FHDC1: variants seen among roughly 807,000 people sequenced by gnomAD.
FHDC1 encodes FH2 domain containing 1.
A neutral mutation model predicts 52.6 loss-of-function variants in FHDC1; 25 were observed. The ratio of observed to expected loss-of-function variants is 0.48; its 90% CI spans 0.35 to 0.66. FHDC1 has a LOEUF of 0.66. FHDC1 is among the 30% of genes least tolerant of loss of function. The pLI, the probability that FHDC1 is intolerant of heterozygous loss-of-function variation, is 0.01. For missense variants in FHDC1, 1,459 were observed against 1,452.8 expected (o/e 1.00, Z -0.07); for synonymous variants, 616 against 581.5 (o/e 1.06, Z -0.85).
intron 1 of FHDC1, among the ~76,000 whole-genome samples, chr4:152,942,124 T>A (rs1739590684): frequency 6.6e-6 from 1 of 152,166 alleles, no homozygotes. Context: ...CTTGGGCGTA[T>A]CTCTTCTTTG....
At chr4:152,955,286 C>G (rs1205256933) in intron 4 of FHDC1, among the ~76,000 whole-genome samples, 1 of 151,848 alleles carries the variant, frequency 6.6e-6, no homozygotes, top group Non-Finnish European at 1.5e-5. Flanking sequence ...GAGTTAACTG[C>G]ATTGTTGAAT....
intron 1 of FHDC1, among the ~76,000 whole-genome samples, chr4:152,939,775 T>G (rs1456681138): frequency 6.6e-6 from 1 of 152,182 alleles, no homozygotes; most frequent in Non-Finnish European, 1.5e-5. Flanking sequence ...TACTCAGAGC[T>G]GGGCACTTGT....
At chr4:152,957,583 C>T (rs1163732003) in intron 4 of FHDC1, among the ~76,000 whole-genome samples, 9 of 152,330 alleles carry the variant, frequency 5.9e-5, no homozygotes, top group East Asian at 1.9e-4. Context: ...CCCCGCCTCG[C>T]GCTGCTGGCC....
At chr4:152,935,037 C>G (rs1188879992), upstream of FHDC1, among the ~76,000 whole-genome samples, 1 of 152,180 alleles carries the variant, frequency 6.6e-6, no homozygotes, top group Admixed American at 6.5e-5. Flanking sequence ...TTGTCTTTCT[C>G]TTTATTACAT....
intron 4 of FHDC1, among the ~76,000 whole-genome samples, chr4:152,959,943 G>A (rs78633760): frequency 2.4e-5 from 2 of 84,996 alleles, no homozygotes; most frequent in African/African-American, 5.2e-5. Context: ...CAATCTTAAC[G>A]TCCCGTTGTT....
Position 152,974,810 on chromosome 4 carries a change from C to A in FHDC1, c.1519C>A (p.Leu507Met). The A allele has an allele frequency of 6.4e-7, 1 of 1,573,274 alleles. No homozygotes were observed. ...CAGCAGTGAGAATGATGTGGAGCTG[C>A]TGACCAAGAAGGGTGCAGAGGGCCT... ...RSSSENDVEL[L>M]TKKGAEGLLP... Residue 507 changes from leucine (L) to methionine (M), a missense_variant, in exon 12 of 12, where the codon CTG (leucine) becomes ATG (methionine). Leu to Met is a conservative substitution (Grantham distance 15). Coordinates refer to ENST00000511601, the MANE Select transcript of FHDC1 (RefSeq NM_001371116.1).
intron 3 of FHDC1, 142 bp downstream of exon 3, chr4:152,953,702 C>G: frequency 1.4e-6 from 1 of 713,996 alleles, no homozygotes; most frequent in Non-Finnish European, 2.4e-6. Context: ...CTGCAAGTGA[C>G]TGTCACTTTC....
upstream of FHDC1, among the ~76,000 whole-genome samples, chr4:152,935,979 C>T (rs969581593): frequency 7.2e-4 from 109 of 152,224 alleles, no homozygotes; most frequent in African/African-American, 2.6e-3. Context: ...CTCGCCCGTT[C>T]CCCGAGGACA....
chr4:152,955,943 G>C (rs1489774868), intron 4 of FHDC1, among the ~76,000 whole-genome samples: 1 of 152,076 alleles, frequency 6.6e-6, no homozygotes, highest in Non-Finnish European at 1.5e-5. Context: ...TATCAACCTG[G>C]CCGCTCTCTC....
intron 1 of FHDC1, 129 bp from the exon 2 acceptor site, chr4:152,942,799 G>A: frequency 4.8e-6 from 2 of 419,964 alleles, no homozygotes; most frequent in Non-Finnish European, 8.4e-6. Flanking sequence ...AATGCAACTT[G>A]GGATGTGTTG....
intron 9 of FHDC1, among the ~76,000 whole-genome samples, chr4:152,966,334 A>G (rs753707632): frequency 6.6e-6 from 1 of 152,212 alleles, no homozygotes; most frequent in Non-Finnish European, 1.5e-5. Flanking sequence ...GGAAAACTTT[A>G]TTGCACAAAG....
chr4:152,943,305 C>T lies in FHDC1; in HGVS notation c.248C>T (p.Thr83Ile), dbSNP rs1739632830. The stretch of plus-strand genomic sequence containing the variant: ...CCCCCACCAGGCCTACCCCCAACTA[C>T]TCACATGAACGGCTACAGCCACCTT... ...PPPPPGLPPT[T>I]HMNGYSHLGK... Residue 83 changes from threonine to isoleucine, a missense_variant, in exon 2 of 12, where the codon ACT becomes ATT. Physicochemically the swap from Thr to Ile is moderately conservative, Grantham distance 89. Transcript: ENST00000511601. 1.3e-6 allele frequency: 2 copies of T among 1,511,164 alleles called. No homozygotes were observed. Among genetic ancestry groups the T allele is most frequent in the Admixed American group, 1.7e-5 (1 of 57,454 alleles). The allele number at this position is 1,511,164 out of a possible 1,614,324, so 93.6% of individuals were successfully genotyped here.
chr4:152,921,385 A>C, the FHDC1 span, among the ~76,000 whole-genome samples: 1 of 152,096 alleles, frequency 6.6e-6, no homozygotes, highest in East Asian at 1.9e-4. Context: ...ACAAGGATTT[A>C]TTCATCACAT....
chr4:152,912,928 A>G, the FHDC1 span, among the ~76,000 whole-genome samples: 1 of 152,214 alleles, frequency 6.6e-6, no homozygotes, highest in Non-Finnish European at 1.5e-5. Flanking sequence ...TTCAAAACAC[A>G]CTGATAATGT....
intron 2 of FHDC1, among the ~76,000 whole-genome samples, chr4:152,952,409 C>T (rs1739954349): frequency 6.6e-6 from 1 of 152,102 alleles, no homozygotes; most frequent in Admixed American, 6.6e-5. Flanking sequence ...GAGGAAATTG[C>T]TAAATTTAAA....
chr4:152,962,430 T>C (rs902255782), intron 6 of FHDC1, among the ~76,000 whole-genome samples: 2 of 152,218 alleles, frequency 1.3e-5, no homozygotes, highest in Non-Finnish European at 2.9e-5. Flanking sequence ...TCTTTGAGAC[T>C]GCATACTCAA....
chr4:152,954,558 G>A (rs934220821), intron 4 of FHDC1, among the ~76,000 whole-genome samples: 2 of 152,014 alleles, frequency 1.3e-5, no homozygotes, highest in African/African-American at 4.8e-5. Context: ...GTGGTGGCAG[G>A]CACCTGTAAT....
At chr4:152,912,077 ACATGTC>A in the FHDC1 span, 1 of 152,346 alleles carries the variant, frequency 6.6e-6, no homozygotes, top group Admixed American at 6.5e-5. Context: ...TGAGAGCTGA[ACATGTC>A]CATTCTTAAC....
chr4:152,926,478 C>A, the FHDC1 span, among the ~76,000 whole-genome samples: 1 of 146,262 alleles, frequency 6.8e-6, no homozygotes, highest in Admixed American at 7.0e-5. Context: ...GATTTAGGAA[C>A]AAAACCCAGG....
Sources: gnomAD v4.1 joint callset for allele counts (sites outside exome capture counted in the v4.1 genomes callset) on GRCh38, gnomAD v4.1.1 for gene constraint, MANE v1.5 for transcripts, NCBI Gene and HGNC (gene_info 2026-07-23, HGNC 2026-07-21) for gene names.